Variants in KAT6A observed in about 807,000 individuals in gnomAD.
The protein encoded by KAT6A is lysine acetyltransferase 6A, also known as histone acetyltransferase KAT6A.
KAT6A carries 9 observed loss-of-function variants against 198.4 expected under a neutral mutation model. That is an observed-to-expected ratio of 0.05 (90% CI 0.03 to 0.08). The LOEUF (loss-of-function observed/expected upper bound fraction) is 0.08. KAT6A is among the 10% of genes least tolerant of loss of function. KAT6A has a pLI of 1.00. For synonymous variants in KAT6A, 890 were observed against 883.0 expected, an observed-to-expected ratio of 1.01 and a Z score of -0.14; for missense variants, 2,077 against 2,509.9, an observed-to-expected ratio of 0.83 and a Z score of 3.69.
Position 41,970,844 on chromosome 8 carries a change from T to G in KAT6A, c.1482+3860A>C, listed in dbSNP as rs1005016450. On this transcript the variant is annotated intron_variant, in intron 8 of 16. Coordinates refer to ENST00000265713, the MANE Select transcript of KAT6A (RefSeq NM_006766.5). The stretch of plus-strand genomic sequence containing the variant: ...ACCCAAATGTCCAGAAATGATAGAC[T>G]GGATTAAGAAAATGTGGCACATATA... Among the ~76,000 whole-genome samples, 7 of 152,166 alleles carry G rather than the reference T, an allele frequency of 4.6e-5. No homozygotes were observed. In the East Asian group the frequency reaches 1.3e-3, roughly 29 times the overall value.
rs549014639 is a variant in KAT6A at position 42,040,627 on chromosome 8, C to T, written c.600+7751G>A. ...GCGGGTGCATGTAAACCCAGCTACTCGGGAGGCTGAGGCAGGAGAATCGCC... is the reference window on the plus strand; with the variant it reads ...GCGGGTGCATGTAAACCCAGCTACTTGGGAGGCTGAGGCAGGAGAATCGCC... On this transcript the variant is annotated intron_variant, in intron 2 of 16. Transcript: ENST00000265713. 1.3e-4 allele frequency among the ~76,000 whole-genome samples: 19 copies of T among 145,374 alleles called. No homozygotes were observed. In the South Asian group the frequency reaches 3.8e-3, roughly 29 times the overall value.
intron 2 of KAT6A, among the ~76,000 whole-genome samples, chr8:42,043,847 ATC>A (rs575979026): frequency 8.5e-5 from 13 of 152,194 alleles, no homozygotes; most frequent in Non-Finnish European, 1.8e-4. Context: ...AGTTACTGAA[ATC>A]TCTTTTATGC....
intron 2 of KAT6A, among the ~76,000 whole-genome samples, chr8:42,018,921 A>C (rs1461240945): frequency 6.6e-6 from 1 of 152,216 alleles, no homozygotes. Flanking sequence ...CTCTGCCTCA[A>C]ATTAAAAAAA....
Position 41,934,149 on chromosome 8 carries a change from C to A in KAT6A, c.4071G>T (p.Gln1357His). Residue 1357 changes from glutamine (Q) to histidine (H), a missense_variant, in exon 17 of 17, where the codon CAG becomes CAT. Physicochemically the swap from Gln to His is conservative, Grantham distance 24 (BLOSUM62 0). Around this residue, in one of 13 missense-constraint regions of KAT6A, gnomAD observed 375 missense variants for 383.0 expected, o/e 0.98. Transcript: ENST00000265713. ...TATCCTTTATCTTTTCCCTACTCTT[C>A]TGCATATTAGCATCTAAAAAAGACT... is the stretch of plus-strand genomic sequence containing the variant. Reference protein sequence around the residue: ...VQESFLDANMQKSREKIKDKE... With the variant: ...VQESFLDANMHKSREKIKDKE... 6.2e-7 allele frequency: 1 copy of A among 1,614,198 alleles called. No individual in the cohort carries two copies. The highest frequency in any genetic ancestry group is 8.5e-7 in the Non-Finnish European group (1 of 1,180,046).
Position 41,976,492 on chromosome 8 carries a change from CT to C in KAT6A, c.1363+515del, listed in dbSNP as rs1012982135. On this transcript the variant is annotated intron_variant, in intron 7 of 16. Coordinates refer to ENST00000265713, the MANE Select transcript of KAT6A (RefSeq NM_006766.5). Reference sequence around the variant, plus strand: ...GCAGCCTGGAGCTGTGGTTCTGTCTCTCCCTTTTTAAGTGCAATCCATGACT... The same window carrying C: ...GCAGCCTGGAGCTGTGGTTCTGTCTCCCCTTTTTAAGTGCAATCCATGACT... Among the ~76,000 whole-genome samples, 26 of 152,184 alleles carry C rather than the reference CT, an allele frequency of 1.7e-4. 1 individual carries two copies. The highest frequency in any genetic ancestry group is 2.9e-5 in the Non-Finnish European group (2 of 68,038).
intron 2 of KAT6A, among the ~76,000 whole-genome samples, chr8:42,041,380 C>A (rs1293331930): frequency 6.6e-6 from 1 of 152,110 alleles, no homozygotes; most frequent in Non-Finnish European, 1.5e-5. Context: ...ATTTTTATTT[C>A]TAGGCCACTG....
At chr8:41,980,494 G>A (rs1402790393) in intron 5 of KAT6A, among the ~76,000 whole-genome samples, 1 of 151,776 alleles carries the variant, frequency 6.6e-6, no homozygotes, top group African/African-American at 2.4e-5. Context: ...TAATCAACAC[G>A]ACCTAATACT....
At chr8:41,938,574 T>C (rs1266605100) in intron 15 of KAT6A, among the ~76,000 whole-genome samples, 4 of 152,142 alleles carry the variant, frequency 2.6e-5, no homozygotes, top group Non-Finnish European at 5.9e-5. Context: ...AAGATGAACT[T>C]GAAGCATCTT....
chr8:42,006,339 C>T (rs1825745258), intron 2 of KAT6A, among the ~76,000 whole-genome samples: 1 of 152,122 alleles, frequency 6.6e-6, no homozygotes, highest in South Asian at 2.1e-4. Context: ...AACTAGAGAT[C>T]AAAACTCTAT....
At chr8:42,037,190 C>T (rs1291627455) in intron 2 of KAT6A, among the ~76,000 whole-genome samples, 2 of 152,184 alleles carry the variant, frequency 1.3e-5, no homozygotes, top group East Asian at 1.9e-4. Context: ...TCAGGTAATG[C>T]TAAAGTGAAT....
chr8:41,934,072 G>T lies in KAT6A; in HGVS notation c.4148C>A (p.Ser1383Tyr). ...CCCAGCCATCTGCTCTGACACCACG[G>T]ACGTGTCATGGGAAGGCTGCTCCTC... ...SEEEQPSHDT[S>Y]VVSEQMAGSE... The change falls in exon 17 of 17, where the codon TCC becomes TAC. Residue 1383 changes from serine (S) to tyrosine (Y), a missense_variant. By Grantham distance (144) the Ser-to-Tyr change is moderately radical. This residue lies in a region of KAT6A where 178 missense variants were observed against 220.8 expected (regional missense o/e 0.81). Coordinates refer to ENST00000265713, the MANE Select transcript of KAT6A (RefSeq NM_006766.5). 1 of 1,614,086 alleles carries T rather than the reference G, an allele frequency of 6.2e-7. No individual in the cohort carries two copies. The highest frequency in any genetic ancestry group is 8.5e-7 in the Non-Finnish European group (1 of 1,180,016).
At position 41,947,841 on chromosome 8, in the gene KAT6A, T is replaced by C. The variant is rs1329873325; in HGVS notation, c.1812A>G (p.Lys604=). 1 of 1,610,752 alleles carries C rather than the reference T, an allele frequency of 6.2e-7. No individual in the cohort carries two copies. Among genetic ancestry groups the C allele is most frequent in the African/African-American group, 1.3e-5 (1 of 74,606 alleles). ...CLLAKLFLDH[K]TLYYDVEPFL... Reference sequence around the variant, plus strand: ...ATGGCTCCACATCGTAATAGAGGGTTTTGTGGTCAAGAAACAACTTTGCCA... The same window carrying C: ...ATGGCTCCACATCGTAATAGAGGGTCTTGTGGTCAAGAAACAACTTTGCCA... Residue 604 remains lysine, a synonymous_variant, in exon 11 of 17, where the codon AAA becomes AAG. Transcript: ENST00000265713.
At chr8:42,001,459 G>A (rs1825490469) in intron 2 of KAT6A, among the ~76,000 whole-genome samples, 1 of 152,100 alleles carries the variant, frequency 6.6e-6, no homozygotes, top group Admixed American at 6.5e-5. Flanking sequence ...GTTCCTAAAG[G>A]CAACATGGTC....
At chr8:41,936,807 A>G (rs1050684296) in intron 16 of KAT6A, among the ~76,000 whole-genome samples, 12 of 152,208 alleles carry the variant, frequency 7.9e-5, no homozygotes, top group Non-Finnish European at 5.9e-5. Flanking sequence ...TTTCTGGAGA[A>G]TTGTCTTCTT....
chr8:41,933,305 C>T lies in KAT6A; in HGVS notation c.4915G>A (p.Val1639Met), dbSNP rs757043455. The T allele has an allele frequency of 1.6e-5, 26 of 1,578,602 alleles. No individual in the cohort carries two copies. The African/African-American group carries it at 2.8e-4, about 17-fold the overall frequency. ...NCSIKSPQSCVVERPPSNQQQ... is the reference protein window; with the variant it reads ...NCSIKSPQSCMVERPPSNQQQ... ...TGGTTACTGGGAGGCCTCTCCACCA[C>T]GCAGCTCTGAGGTGACTTGATGCTG... Residue 1639 changes from valine (V) to methionine (M), a missense_variant, in exon 17 of 17, where the codon GTG becomes ATG. Val to Met is a conservative substitution (Grantham distance 21). Coordinates refer to ENST00000265713, the MANE Select transcript of KAT6A (RefSeq NM_006766.5). The surrounding 1 kb of genome is among the most constrained non-coding windows in gnomAD (Gnocchi z 6.2).
intron 2 of KAT6A, among the ~76,000 whole-genome samples, chr8:42,029,119 T>C (rs1826983466): frequency 1.3e-5 from 2 of 152,182 alleles, no homozygotes. Flanking sequence ...GAATATATCA[T>C]CCCATTCTCT....
At chr8:42,000,054 G>T (rs977283179) in intron 2 of KAT6A, among the ~76,000 whole-genome samples, 1 of 152,062 alleles carries the variant, frequency 6.6e-6, no homozygotes, top group African/African-American at 2.4e-5. Flanking sequence ...TTAACTTCCT[G>T]AAATAGGCAA....
chr8:41,996,263 A>T (rs372055191), intron 2 of KAT6A, among the ~76,000 whole-genome samples: 1 of 152,326 alleles, frequency 6.6e-6, no homozygotes, highest in East Asian at 1.9e-4. Context: ...CTAAGAGATC[A>T]CTTAATAAGC....
chr8:41,942,599 T>C, intron 14 of KAT6A, 194 bp downstream of exon 14: 1 of 627,788 alleles, frequency 1.6e-6, no homozygotes, highest in South Asian at 2.2e-5. Context: ...TCCTCCTAAT[T>C]GTCCAAGGCT....
Sources: allele counts gnomAD v4.1 joint callset (sites outside exome capture counted in the v4.1 genomes callset), GRCh38; gene constraint gnomAD v4.1.1; regional missense constraint gnomAD v4.1.1; non-coding constraint Gnocchi (gnomAD v3.1); transcripts MANE v1.5; gene names NCBI Gene and HGNC (gene_info 2026-07-23, HGNC 2026-07-21).